Variants in LIX1 observed in about 807,000 individuals in gnomAD.
The protein encoded by LIX1 is protein limb expression 1 homolog.
A neutral mutation model predicts 33.4 loss-of-function variants in LIX1; 24 were observed. The observed-to-expected ratio is 0.72, with a 90% CI of 0.52 to 1.01. The LOEUF is 1.01. LIX1 is among the 50% of genes least tolerant of loss of function. The pLI, the probability that LIX1 is intolerant of heterozygous loss-of-function variation, is 0.00. For missense variants in LIX1, 311 were observed against 339.2 expected, an observed-to-expected ratio of 0.92 and a Z score of 0.65; for synonymous variants, 124 against 124.0, an observed-to-expected ratio of 1.00 and a Z score of 0.00.
At chr5:97,127,957 C>G (rs763319164) in intron 1 of LIX1, among the ~76,000 whole-genome samples, 1 of 152,120 alleles carries the variant, frequency 6.6e-6, no homozygotes, top group Middle Eastern at 3.2e-3. Flanking sequence ...CTCCCATGGC[C>G]TATTTTTAAA....
chr5:97,133,430 T>A (rs996199190), intron 1 of LIX1, among the ~76,000 whole-genome samples: 2 of 152,246 alleles, frequency 1.3e-5, no homozygotes, highest in African/African-American at 4.8e-5. Context: ...GAGTGTTAGC[T>A]ATTATTTGTG....
intron 2 of LIX1, 26 bp downstream of exon 2, chr5:97,124,440 C>A: frequency 6.4e-7 from 1 of 1,563,060 alleles, no homozygotes; most frequent in Admixed American, 1.9e-5. Context: ...TGAACTTTCA[C>A]TGACAAATTA....
Position 97,124,629 on chromosome 5 carries a change from A to G in LIX1, c.83T>C (p.Leu28Ser), listed in dbSNP as rs749252629. The part of the protein sequence containing the change: ...HRDPALVFKD[L>S]NVVSMLQEFW... The stretch of plus-strand genomic sequence containing the variant: ...TTCCTGTAACATTGACACAACGTTC[A>G]CTGAAAAAGACAAGAAACACCATCA... The change falls in exon 2 of 6, where the codon TTG (leucine) becomes TCG (serine). Residue 28 changes from leucine (L) to serine (S), a missense_variant and splice_region_variant. Leu to Ser is a moderately radical substitution (Grantham distance 145). Coordinates refer to ENST00000274382, the MANE Select transcript of LIX1 (RefSeq NM_153234.5). The G allele has an allele frequency of 3.1e-6, 5 of 1,606,974 alleles. No individual in the cohort carries two copies. The South Asian group carries it at 3.3e-5, about 11-fold the overall frequency.
intron 4 of LIX1, among the ~76,000 whole-genome samples, chr5:97,099,524 T>C (rs988702165): frequency 3.3e-5 from 5 of 152,232 alleles, no homozygotes; most frequent in African/African-American, 1.2e-4. Context: ...CTATTGTGTA[T>C]GTCCATTTTT....
At chr5:97,142,226 T>A (rs1748305623) in intron 1 of LIX1, among the ~76,000 whole-genome samples, 1 of 152,182 alleles carries the variant, frequency 6.6e-6, no homozygotes, top group African/African-American at 2.4e-5. Context: ...TCAGAAAAAG[T>A]TCATTAAGTC....
At chr5:97,110,459 A>C (rs931051146) in intron 2 of LIX1, among the ~76,000 whole-genome samples, 5 of 151,998 alleles carry the variant, frequency 3.3e-5, no homozygotes, top group Admixed American at 3.3e-4. Context: ...TTTTTGTGAG[A>C]TGGAGTTTCA....
intron 4 of LIX1, among the ~76,000 whole-genome samples, chr5:97,099,235 T>C (rs995064207): frequency 6.6e-6 from 1 of 152,188 alleles, no homozygotes; most frequent in African/African-American, 2.4e-5. Flanking sequence ...GAGTGCTTTG[T>C]TCGAGAAACC....
At chr5:97,137,368 G>A (rs1477131394) in intron 1 of LIX1, among the ~76,000 whole-genome samples, 1 of 151,946 alleles carries the variant, frequency 6.6e-6, no homozygotes, top group African/African-American at 2.4e-5. Flanking sequence ...GCCATAAAGT[G>A]ATCAAGAAGC....
At position 97,094,944 on chromosome 5, in the gene LIX1, G is replaced by A. The variant is rs754628104; in HGVS notation, c.653C>T (p.Pro218Leu). The change falls in exon 6 of 6, where the codon CCA becomes CTA. Residue 218 changes from proline to leucine, a missense_variant. Coordinates refer to ENST00000274382, the MANE Select transcript of LIX1 (RefSeq NM_153234.5). The part of the protein sequence containing the change: ...LDWIMKERDS[P>L]GIVSQELRMA... ...TCGTAGCTCTTGAGAGACAATTCCT[G>A]GTGAGTCCCGCTCCTTCATGATCCA... The A allele has an allele frequency of 1.2e-6, 2 of 1,614,162 alleles. No homozygotes were observed. Among genetic ancestry groups the A allele is most frequent in the South Asian group, 2.2e-5 (2 of 91,080 alleles).
chr5:97,112,762 A>AT (rs1438238486), intron 2 of LIX1, among the ~76,000 whole-genome samples: 142 of 151,486 alleles, frequency 9.4e-4, no homozygotes, highest in African/African-American at 3.3e-3. Context: ...CACTATAATC[A>AT]TTTCAAAGCC....
At chr5:97,138,083 G>C (rs894719416) in intron 1 of LIX1, among the ~76,000 whole-genome samples, 23 of 152,266 alleles carry the variant, frequency 1.5e-4, no homozygotes, top group African/African-American at 5.5e-4. Context: ...GCAGAAAAAT[G>C]TTCTCCCAAA....
chr5:97,096,758 C>G (rs1746397312), intron 5 of LIX1, 52 bp downstream of exon 5: 2 of 1,237,534 alleles, frequency 1.6e-6, no homozygotes, highest in Admixed American at 1.8e-5. Flanking sequence ...AGATGATAAG[C>G]CACCTGCTGA....
At chr5:97,121,242 T>G (rs1395442134) in intron 2 of LIX1, among the ~76,000 whole-genome samples, 1 of 152,180 alleles carries the variant, frequency 6.6e-6, no homozygotes. Context: ...TGTCTCTAAG[T>G]CCCACATAAC....
chr5:97,095,042 G>A lies in LIX1; in HGVS notation c.562-7C>T, dbSNP rs769054694. On this transcript the variant is annotated splice_polypyrimidine_tract_variant and splice_region_variant and intron_variant, in intron 5 of 5. Transcript: ENST00000274382. ...AATAGTAGGAGATGACTTCCTGGGG[G>A]CCAAGAAACAAAGTCCAGGGTGTCA... 1.2e-5 allele frequency: 20 copies of A among 1,611,152 alleles called. No individual in the cohort carries two copies. Among genetic ancestry groups the A allele is most frequent in the Non-Finnish European group, 8.5e-6 (10 of 1,178,124 alleles).
At chr5:97,105,340 A>G in intron 3 of LIX1, 55 bp from the exon 4 acceptor site, 1 of 1,416,678 alleles carries the variant, frequency 7.1e-7, no homozygotes, top group Non-Finnish European at 1.0e-6. Context: ...CTCTTCTTTG[A>G]ATGGTCACAA....
At chr5:97,114,579 CAT>C (rs906623312) in intron 2 of LIX1, among the ~76,000 whole-genome samples, 43 of 152,274 alleles carry the variant, frequency 2.8e-4, no homozygotes, top group African/African-American at 9.9e-4. Flanking sequence ...ACTTGTTAAA[CAT>C]GTGTATTCCT....
chr5:97,131,155 G>C (rs1217237483), intron 1 of LIX1, among the ~76,000 whole-genome samples: 1 of 152,148 alleles, frequency 6.6e-6, no homozygotes, highest in African/African-American at 2.4e-5. Context: ...GGAACACCTT[G>C]GTTATTTAAC....
intron 4 of LIX1, among the ~76,000 whole-genome samples, chr5:97,098,098 A>G (rs1746489839): frequency 6.6e-6 from 1 of 152,270 alleles, no homozygotes; most frequent in Non-Finnish European, 1.5e-5. Context: ...AAAGTCAGCT[A>G]GATCGTTAAA....
At chr5:97,112,964 A>T (rs2112775788) in intron 2 of LIX1, among the ~76,000 whole-genome samples, 1 of 152,306 alleles carries the variant, frequency 6.6e-6, no homozygotes, top group African/African-American at 2.4e-5. Flanking sequence ...TGTAACCAAT[A>T]GAATATGGTA....
Sources: gnomAD v4.1 joint callset for allele counts (sites outside exome capture counted in the v4.1 genomes callset) on GRCh38, gnomAD v4.1.1 for gene constraint, MANE v1.5 for transcripts, NCBI Gene and HGNC (gene_info 2026-07-23, HGNC 2026-07-21) for gene names.